CD200: variants seen among roughly 807,000 people sequenced by gnomAD.
CD200 encodes the protein CD200 molecule.
In CD200, 15 loss-of-function variants were observed where a neutral mutation model predicts 30.9. The observed-to-expected ratio is 0.49, with a 90% confidence interval of 0.32 to 0.75. The LOEUF (loss-of-function observed/expected upper bound fraction) is 0.75, where lower values mean the gene tolerates loss of function less well. CD200 is among the 30% of genes least tolerant of loss of function. The pLI is 0.03. For missense variants in CD200, 262 were observed against 324.2 expected, an observed-to-expected ratio of 0.81 and a Z score of 1.47; for synonymous variants, 134 against 126.2, an observed-to-expected ratio of 1.06 and a Z score of -0.41.
rs1236762983 is a variant in CD200, at chr3:112,362,188, G to A, written c.*638G>A. 1 of 152,206 alleles carries A rather than the reference G, an allele frequency of 6.6e-6. No homozygotes were observed. Among genetic ancestry groups the A allele is most frequent in the African/African-American group, 2.4e-5 (1 of 41,442 alleles). The allele number at this position is 152,206 out of a possible 1,614,324, so 9.4% of individuals were successfully genotyped here. On this transcript the variant is annotated 3_prime_UTR_variant, in exon 6 of 6. Coordinates refer to ENST00000315711, the MANE Select transcript of CD200 (RefSeq NM_005944.7). ...TGCTAGAATCCTTGGTTTCACTGCTGTTCTTCATGTGCTTCTATGAGATTT... is the reference window on the plus strand; with the variant it reads ...TGCTAGAATCCTTGGTTTCACTGCTATTCTTCATGTGCTTCTATGAGATTT...
chr3:112,362,513 G>A lies in CD200; in HGVS notation c.*963G>A, dbSNP rs189800177. 1.5e-3 allele frequency: 231 copies of A among 152,662 alleles called. 2 individuals are homozygous for A. Among genetic ancestry groups the A allele is most frequent in the Non-Finnish European group, 2.6e-3 (174 of 68,014 alleles). The allele number at this position is 152,662 out of a possible 1,614,324, so 9.5% of individuals were successfully genotyped here. ...TCTCTGCTGGCTTCTTTTTCCATGCGTTAACTTTTCCCAATAGCAGAGGAG... is the reference window on the plus strand; with the variant it reads ...TCTCTGCTGGCTTCTTTTTCCATGCATTAACTTTTCCCAATAGCAGAGGAG... On this transcript the variant is annotated 3_prime_UTR_variant, in exon 6 of 6. Coordinates refer to ENST00000315711, the MANE Select transcript of CD200 (RefSeq NM_005944.7).
At chr3:112,341,161 G>T (rs945852191) in intron 2 of CD200, among the ~76,000 whole-genome samples, 178 bp downstream of exon 2, 1 of 152,110 alleles carries the variant, frequency 6.6e-6, no homozygotes, top group Non-Finnish European at 1.5e-5. Context: ...TTTTGTTTTC[G>T]ATGTAGAAGC....
intron 5 of CD200, among the ~76,000 whole-genome samples, chr3:112,361,057 A>C (rs569484399): frequency 6.6e-6 from 1 of 151,724 alleles, no homozygotes; most frequent in African/African-American, 2.4e-5. Context: ...GTTTTTAGAG[A>C]TAGTGTCTTG....
chr3:112,361,896 C>G lies in CD200; in HGVS notation c.*346C>G. Reference sequence around the variant, plus strand: ...TGGGGACCTCTGTTAGTCACTTTACCTCATCCAAAGTATAAAGGAATTGGA... The same window carrying G: ...TGGGGACCTCTGTTAGTCACTTTACGTCATCCAAAGTATAAAGGAATTGGA... On this transcript the variant is annotated 3_prime_UTR_variant, in exon 6 of 6. Coordinates refer to ENST00000315711, the MANE Select transcript of CD200 (RefSeq NM_005944.7). The G allele has an allele frequency of 3.2e-6, 1 of 310,140 alleles. No individual in the cohort carries two copies. The highest frequency in any genetic ancestry group is 5.9e-6 in the Non-Finnish European group (1 of 168,622). The allele number at this position is 310,140 out of a possible 1,614,324, so 19.2% of individuals were successfully genotyped here. A position where few individuals can be genotyped will look rare whatever the true frequency, so the allele number is the denominator to read the frequency against.
At chr3:112,334,105 G>A (rs1167567125) in intron 1 of CD200, 2 of 985,246 alleles carry the variant, frequency 2.0e-6, no homozygotes, top group East Asian at 1.1e-4. Flanking sequence ...TCTACTGCAA[G>A]CTAGATGCTG....
chr3:112,344,879 G>T, intron 2 of CD200, 83 bp from the exon 3 acceptor site: 5 of 1,034,522 alleles, frequency 4.8e-6, no homozygotes, highest in South Asian at 3.3e-5. Context: ...ATTTGACATT[G>T]AATATACATT....
chr3:112,355,202 CTG>C (rs953611986), intron 5 of CD200, among the ~76,000 whole-genome samples: 3 of 152,158 alleles, frequency 2.0e-5, no homozygotes, highest in African/African-American at 7.2e-5. Flanking sequence ...CATTCTCTCT[CTG>C]TAATTCCATA....
chr3:112,340,158 A>G (rs995346114), intron 1 of CD200, among the ~76,000 whole-genome samples: 1 of 152,270 alleles, frequency 6.6e-6, no homozygotes, highest in Non-Finnish European at 1.5e-5. Context: ...GGAAAAAGTT[A>G]CATTTCTTTC....
At chr3:112,356,333 CTTA>C (rs2081622769) in intron 5 of CD200, among the ~76,000 whole-genome samples, 1 of 134,772 alleles carries the variant, frequency 7.4e-6, no homozygotes, top group Admixed American at 7.8e-5. Context: ...AAAAATATTA[CTTA>C]TTATGAATTT....
rs1300197681 is a variant in CD200, at chr3:112,362,116, T to G, written c.*566T>G. On this transcript the variant is annotated 3_prime_UTR_variant, in exon 6 of 6. Coordinates refer to ENST00000315711, the MANE Select transcript of CD200 (RefSeq NM_005944.7). ...TCTATGAGTCTGTTTCCCCATCATTTGGTATCTAGTCCAGTTCCTGCTTAC... is the reference window on the plus strand; with the variant it reads ...TCTATGAGTCTGTTTCCCCATCATTGGGTATCTAGTCCAGTTCCTGCTTAC... 6.6e-6 allele frequency: 1 copy of G among 152,516 alleles called. No individual in the cohort carries two copies. Among genetic ancestry groups the G allele is most frequent in the Non-Finnish European group, 1.5e-5 (1 of 68,246 alleles). 9.4% of individuals were successfully genotyped at this position (152,516 alleles called of 1,614,324 possible).
chr3:112,347,919 TTA>T, intron 4 of CD200, 89 bp downstream of exon 4: 2 of 1,170,124 alleles, frequency 1.7e-6, no homozygotes, highest in Non-Finnish European at 2.4e-6. Flanking sequence ...TTTCAGCCTC[TTA>T]GCATAATCTA....
chr3:112,335,342 A>T (rs1229197675), intron 1 of CD200, among the ~76,000 whole-genome samples: 1 of 152,224 alleles, frequency 6.6e-6, no homozygotes, highest in East Asian at 1.9e-4. Flanking sequence ...CTATGTTATT[A>T]GTCTTAGACC....
chr3:112,333,934 AT>A, intron 1 of CD200: 1 of 983,808 alleles, frequency 1.0e-6, no homozygotes, highest in Non-Finnish European at 1.2e-6. Flanking sequence ...CATATATCCC[AT>A]TGGTATATGA....
chr3:112,352,540 TGAGAGAGAGAGA>T (rs3083141), intron 5 of CD200, among the ~76,000 whole-genome samples: 2 of 149,734 alleles, frequency 1.3e-5, no homozygotes, highest in Non-Finnish European at 3.0e-5. Context: ...GAGGTGGAAC[TGAGAGAGAGAGA>T]GAGAGAGAGA....
At chr3:112,342,309 T>C (rs28635253) in intron 2 of CD200, among the ~76,000 whole-genome samples, 53,164 of 71,072 alleles carry the variant, frequency 0.75, 19,147 homozygotes, top group Middle Eastern at 0.83. Context: ...TTCCTTCCTT[T>C]CTTCTTTCTT....
intron 1 of CD200, among the ~76,000 whole-genome samples, chr3:112,339,546 G>A (rs1420005440): frequency 2.0e-5 from 3 of 152,178 alleles, no homozygotes; most frequent in African/African-American, 7.2e-5. Flanking sequence ...GGAAGTTCAG[G>A]AGAGTAGAAA....
At chr3:112,343,542 G>A (rs1203652198) in intron 2 of CD200, among the ~76,000 whole-genome samples, 2 of 152,104 alleles carry the variant, frequency 1.3e-5, no homozygotes, top group Non-Finnish European at 2.9e-5. Flanking sequence ...GGCCTCAAGT[G>A]AGTCTTCTAC....
chr3:112,354,203 C>T (rs943963413), intron 5 of CD200, among the ~76,000 whole-genome samples: 5 of 152,114 alleles, frequency 3.3e-5, no homozygotes, highest in Admixed American at 3.3e-4. Flanking sequence ...GGGAACATCT[C>T]TAGGAATCAA....
Position 112,340,896 on chromosome 3 carries a change from C to T in CD200, c.13-6C>T, listed in dbSNP as rs1446602279. 6.3e-7 allele frequency: 1 copy of T among 1,580,666 alleles called. No individual in the cohort carries two copies. Among genetic ancestry groups the T allele is most frequent in the East Asian group, 2.2e-5 (1 of 44,646 alleles). ...CCCATTTCTGTACTTTGCTTTCTGT[C>T]TTCAGGTGATCAGGATGCCCTTCTC... On this transcript the variant is annotated splice_polypyrimidine_tract_variant and splice_region_variant and intron_variant, in intron 1 of 5. Transcript: ENST00000315711.
Sources: allele counts gnomAD v4.1 joint callset (sites outside exome capture counted in the v4.1 genomes callset), GRCh38; gene constraint gnomAD v4.1.1; transcripts MANE v1.5; gene names NCBI Gene and HGNC (gene_info 2026-07-23, HGNC 2026-07-21).